The following HIP1 variants were observed in gnomAD, a reference collection of about 807,000 sequenced individuals.
HIP1 encodes the protein huntingtin-interacting protein 1.
A neutral mutation model predicts 147.6 loss-of-function variants in HIP1; 65 were observed. The observed-to-expected ratio is 0.44, with a 90% CI of 0.36 to 0.54. The LOEUF (loss-of-function observed/expected upper bound fraction) is 0.54. Ranked by LOEUF, HIP1 falls within the 20% of genes least tolerant of loss-of-function variation. HIP1 has a pLI of 0.00. For missense variants in HIP1, 1,061 were observed against 1,299.6 expected, an observed-to-expected ratio of 0.82 and a Z score of 2.82; for synonymous variants, 479 against 504.0, an observed-to-expected ratio of 0.95 and a Z score of 0.67.
intron 2 of HIP1, among the ~76,000 whole-genome samples, chr7:75,593,787 C>A (rs1039794414): frequency 2.6e-5 from 4 of 152,030 alleles, no homozygotes; most frequent in South Asian, 2.1e-4. Flanking sequence ...GCCTTGACAG[C>A]AGCAATCTTT....
intron 1 of HIP1, among the ~76,000 whole-genome samples, chr7:75,699,673 C>T (rs1800754475): frequency 6.6e-6 from 1 of 152,206 alleles, no homozygotes; most frequent in Non-Finnish European, 1.5e-5. Flanking sequence ...CATCGTCCTC[C>T]TCTCTTCCCC....
At chr7:75,569,512 G>A (rs892441496) in intron 8 of HIP1, among the ~76,000 whole-genome samples, 1 of 152,118 alleles carries the variant, frequency 6.6e-6, no homozygotes, top group Non-Finnish European at 1.5e-5. Flanking sequence ...AAGAGGTTGA[G>A]GTGGGAGGAT....
intron 18 of HIP1, 49 bp downstream of exon 18, chr7:75,555,977 C>A: frequency 6.2e-7 from 1 of 1,605,340 alleles, no homozygotes; most frequent in South Asian, 1.1e-5. Context: ...CGCAGAGGCC[C>A]TCGGTGGGAA....
At chr7:75,651,460 C>CAAAAAAAAAAAAAAA (rs1168846001) in intron 1 of HIP1, among the ~76,000 whole-genome samples, 1 of 44,102 alleles carries the variant, frequency 2.3e-5, no homozygotes, top group African/African-American at 5.9e-5. Flanking sequence ...CTCCATATCT[C>CAAAAAAAAAAAAAAA]AAAAAAAAAA....
At chr7:75,666,472 TGC>T (rs1554514641) in intron 1 of HIP1, among the ~76,000 whole-genome samples, 3 of 152,128 alleles carry the variant, frequency 2.0e-5, no homozygotes, top group African/African-American at 7.2e-5. Context: ...GCCAGGCCCA[TGC>T]ATTATATATT....
intron 1 of HIP1, chr7:75,639,045 A>T (rs1798546902): frequency 1.0e-6 from 1 of 982,136 alleles, no homozygotes; most frequent in Admixed American, 6.2e-5. Flanking sequence ...CCCTGCTCAC[A>T]CTTACCATCT....
At chr7:75,582,403 A>G (rs1488450963) in intron 5 of HIP1, among the ~76,000 whole-genome samples, 2 of 152,202 alleles carry the variant, frequency 1.3e-5, no homozygotes, top group Non-Finnish European at 2.9e-5. Context: ...ATTGCTGAGT[A>G]TCTACAGCCA....
intron 1 of HIP1, among the ~76,000 whole-genome samples, chr7:75,642,278 C>G (rs62475467): frequency 0.12 from 17,671 of 152,122 alleles, 1,519 homozygotes; most frequent in African/African-American, 0.24. Context: ...CGGTTCACAC[C>G]TGTAATCCCA....
intron 7 of HIP1, among the ~76,000 whole-genome samples, chr7:75,574,326 C>T (rs955966960): frequency 4.0e-5 from 6 of 151,380 alleles, no homozygotes; most frequent in Admixed American, 2.0e-4. Context: ...TGGTGGCTCA[C>T]GCCTGTAATC....
chr7:75,696,070 T>C (rs1800624336), intron 1 of HIP1, among the ~76,000 whole-genome samples: 1 of 152,126 alleles, frequency 6.6e-6, no homozygotes, highest in Non-Finnish European at 1.5e-5. Context: ...CACTGCAGTG[T>C]TGACCTCCCA....
intron 1 of HIP1, among the ~76,000 whole-genome samples, chr7:75,664,251 T>C (rs563628194): frequency 5.4e-5 from 8 of 147,486 alleles, no homozygotes; most frequent in East Asian, 4.1e-4. Context: ...ACATACTATA[T>C]ACACACATAT....
At chr7:75,713,836 G>C (rs1240169347) in intron 1 of HIP1, among the ~76,000 whole-genome samples, 1 of 151,526 alleles carries the variant, frequency 6.6e-6, no homozygotes, top group African/African-American at 2.4e-5. Flanking sequence ...GAGTAGCTGG[G>C]ACTACAGGCG....
intron 7 of HIP1, among the ~76,000 whole-genome samples, chr7:75,574,406 T>C (rs941242026): frequency 2.7e-4 from 41 of 150,678 alleles, no homozygotes; most frequent in African/African-American, 9.0e-4. Flanking sequence ...CTCTCCAACA[T>C]GGGAAAACCC....
chr7:75,612,914 G>A (rs1797498149), intron 1 of HIP1, among the ~76,000 whole-genome samples: 1 of 151,934 alleles, frequency 6.6e-6, no homozygotes, highest in Admixed American at 6.6e-5. Flanking sequence ...GACAAGCCTG[G>A]CCAACATGGT....
At chr7:75,594,757 G>C (rs587712626) in intron 2 of HIP1, among the ~76,000 whole-genome samples, 3 of 152,330 alleles carry the variant, frequency 2.0e-5, no homozygotes, top group South Asian at 2.1e-4. Context: ...CTGGGCGACA[G>C]AGCGAGACTC....
chr7:75,680,529 T>C (rs917672207), intron 1 of HIP1, among the ~76,000 whole-genome samples: 52 of 152,226 alleles, frequency 3.4e-4, no homozygotes, highest in African/African-American at 1.2e-3. Context: ...AGATTTTTTA[T>C]TAAATACAGA....
chr7:75,621,812 T>C (rs1225024182), intron 1 of HIP1, among the ~76,000 whole-genome samples: 1 of 151,470 alleles, frequency 6.6e-6, no homozygotes, highest in Non-Finnish European at 1.5e-5. Context: ...AAGGAAGGAG[T>C]CAAGGAGAAC....
At chr7:75,584,271 A>AT (rs1247965641) in intron 5 of HIP1, among the ~76,000 whole-genome samples, 1 of 149,226 alleles carries the variant, frequency 6.7e-6, no homozygotes, top group African/African-American at 2.5e-5. Flanking sequence ...GCCAAAAAAA[A>AT]TTTTTTTTAA....
chr7:75,719,409 C>G (rs1338839083), intron 1 of HIP1, among the ~76,000 whole-genome samples: 3 of 151,100 alleles, frequency 2.0e-5, no homozygotes, highest in Non-Finnish European at 4.4e-5. Flanking sequence ...GAGGCTGAGG[C>G]AGGAGAATGG....
Sources: allele counts gnomAD v4.1 joint callset (sites outside exome capture counted in the v4.1 genomes callset), GRCh38; gene constraint gnomAD v4.1.1; transcripts MANE v1.5; gene names NCBI Gene and HGNC (gene_info 2026-07-23, HGNC 2026-07-21).